Variants in IGSF5 observed in about 807,000 individuals in gnomAD.
IGSF5 encodes the protein immunoglobulin superfamily 5 like.
A neutral mutation model predicts 39.4 loss-of-function variants in IGSF5; 41 were observed. The observed-to-expected ratio is 1.04, with a 90% confidence interval of 0.81 to 1.35. IGSF5 has a LOEUF of 1.35. Among genes scored for constraint, IGSF5 ranks in the 40% most tolerant of loss-of-function variants. IGSF5 has a pLI of 0.00. For synonymous variants in IGSF5, 183 were observed against 175.3 expected (o/e 1.04, Z -0.34); for missense variants, 487 against 494.6 (o/e 0.98, Z 0.15).
intron 2 of IGSF5, among the ~76,000 whole-genome samples, chr21:39,764,000 T>C (rs2080073531): frequency 6.6e-6 from 1 of 152,172 alleles, no homozygotes; most frequent in Non-Finnish European, 1.5e-5. Flanking sequence ...TCTGTTTTTT[T>C]TAATGATGTC....
intron 5 of IGSF5, among the ~76,000 whole-genome samples, chr21:39,786,269 C>A (rs975318062): frequency 6.6e-6 from 1 of 151,948 alleles, no homozygotes. Flanking sequence ...AAGAAAAAAA[C>A]AAACAACCCT....
At chr21:39,751,673 T>C (rs1236576447) in intron 2 of IGSF5, among the ~76,000 whole-genome samples, 2 of 152,220 alleles carry the variant, frequency 1.3e-5, no homozygotes, top group Non-Finnish European at 2.9e-5. Flanking sequence ...AAAAAAACTT[T>C]TACCGACTTC....
At chr21:39,731,480 G>A in the IGSF5 span, among the ~76,000 whole-genome samples, 1 of 152,190 alleles carries the variant, frequency 6.6e-6, no homozygotes, top group African/African-American at 2.4e-5. Flanking sequence ...TAGAGCAAAA[G>A]GGATATGATT....
At chr21:39,718,859 C>A in the IGSF5 span, among the ~76,000 whole-genome samples, 1 of 152,064 alleles carries the variant, frequency 6.6e-6, no homozygotes, top group Non-Finnish European at 1.5e-5. Context: ...TGATGCTGGC[C>A]TCATAGAATG....
intron 5 of IGSF5, 59 bp from the exon 6 acceptor site, chr21:39,788,108 A>C: frequency 3.0e-6 from 4 of 1,340,086 alleles, no homozygotes; most frequent in Non-Finnish European, 4.2e-6. Flanking sequence ...AATTAATGAG[A>C]CTCGATTTTT....
chr21:39,800,715 A>T (rs2087023988), intron 8 of IGSF5, among the ~76,000 whole-genome samples: 1 of 152,220 alleles, frequency 6.6e-6, no homozygotes, highest in African/African-American at 2.4e-5. Context: ...AAAGTGTTGC[A>T]CACATTTTAA....
chr21:39,750,956 G>C (rs2080002762), intron 2 of IGSF5, among the ~76,000 whole-genome samples: 1 of 152,214 alleles, frequency 6.6e-6, no homozygotes, highest in African/African-American at 2.4e-5. Flanking sequence ...GGAAGAGGAG[G>C]GAGAGGGAGT....
chr21:39,754,590 G>A (rs141641758), intron 2 of IGSF5, among the ~76,000 whole-genome samples: 13 of 152,248 alleles, frequency 8.5e-5, no homozygotes, highest in South Asian at 6.2e-4. Flanking sequence ...TTTGCCTCTC[G>A]TCAGGACAGG....
chr21:39,788,267 C>A, intron 6 of IGSF5, 79 bp downstream of exon 6: 1 of 1,015,132 alleles, frequency 9.9e-7, no homozygotes, highest in Non-Finnish European at 1.5e-6. Flanking sequence ...ACAATACGTA[C>A]ACACAACTGC....
rs756441120 is a variant in IGSF5, at chr21:39,765,616, C to T, written c.182C>T (p.Thr61Ile). 5 of 1,614,120 alleles carry T rather than the reference C, an allele frequency of 3.1e-6. No homozygotes were observed. Among genetic ancestry groups the T allele is most frequent in the East Asian group, 2.2e-5 (1 of 44,876 alleles). ...LKGSQARFNC[T>I]VSQGWKLIMW... The stretch of plus-strand genomic sequence containing the variant: ...GGCTCCCAGGCTCGCTTCAACTGCA[C>T]CGTCTCCCAGGGCTGGAAGCTCATC... The change falls in exon 3 of 9, where the codon ACC (threonine) becomes ATC (isoleucine). Residue 61 changes from threonine to isoleucine, a missense_variant. Coordinates refer to ENST00000380588, the MANE Select transcript of IGSF5 (RefSeq NM_001080444.2).
chr21:39,741,708 G>C (rs1193279910), upstream of IGSF5, among the ~76,000 whole-genome samples: 1 of 152,180 alleles, frequency 6.6e-6, no homozygotes, highest in Non-Finnish European at 1.5e-5. Context: ...TGTTGGGTTT[G>C]AAGGATCTTC....
upstream of IGSF5, among the ~76,000 whole-genome samples, chr21:39,741,064 C>T (rs533950894): frequency 3.6e-4 from 55 of 152,236 alleles, 1 homozygote; most frequent in Admixed American, 1.4e-3. Context: ...CTCAGACCAG[C>T]GCAAGGACTC....
the IGSF5 span, among the ~76,000 whole-genome samples, chr21:39,718,272 A>G: frequency 6.6e-6 from 1 of 152,332 alleles, no homozygotes; most frequent in East Asian, 1.9e-4. Flanking sequence ...TTTTCTATGT[A>G]TAAAACCATG....
the IGSF5 span, among the ~76,000 whole-genome samples, chr21:39,724,451 T>A: frequency 1.3e-5 from 2 of 152,168 alleles, no homozygotes; most frequent in Non-Finnish European, 2.9e-5. Flanking sequence ...AATTGAATCA[T>A]GGGGGAGGTC....
chr21:39,765,675 G>C lies in IGSF5; in HGVS notation c.241G>C (p.Val81Leu), dbSNP rs371108598. The change falls in exon 3 of 9, where the codon GTC (valine) becomes CTC (leucine). Residue 81 changes from valine to leucine, a missense_variant. Physicochemically the swap from Val to Leu is conservative, Grantham distance 32. Coordinates refer to ENST00000380588, the MANE Select transcript of IGSF5 (RefSeq NM_001080444.2). ...WALSDMVVLS[V>L]RPMEPIITND... ...TCTCAGTGACATGGTGGTGCTAAGC[G>C]TCAGGCCCATGGAGCCCATCATCAC... 1.2e-6 allele frequency: 2 copies of C among 1,613,982 alleles called. No homozygotes were observed. The highest frequency in any genetic ancestry group is 1.7e-6 in the Non-Finnish European group (2 of 1,180,022).
At chr21:39,760,909 T>C (rs188006636) in intron 2 of IGSF5, among the ~76,000 whole-genome samples, 161 of 152,192 alleles carry the variant, frequency 1.1e-3, no homozygotes, top group Middle Eastern at 3.4e-3. Context: ...GATTATCTGT[T>C]TTTATCCTAA....
At chr21:39,766,256 G>C (rs1220242354) in intron 3 of IGSF5, among the ~76,000 whole-genome samples, 2 of 152,050 alleles carry the variant, frequency 1.3e-5, no homozygotes, top group African/African-American at 4.8e-5. Flanking sequence ...GGTTAAGACT[G>C]ATAGAGACAG....
the IGSF5 span, among the ~76,000 whole-genome samples, chr21:39,720,033 T>G: frequency 6.6e-6 from 1 of 152,230 alleles, no homozygotes; most frequent in African/African-American, 2.4e-5. Context: ...ACAGAAACAT[T>G]GTGAATATAG....
the IGSF5 span, among the ~76,000 whole-genome samples, chr21:39,736,796 A>T: frequency 1.3e-5 from 2 of 152,182 alleles, no homozygotes; most frequent in Middle Eastern, 3.2e-3. Context: ...AATATTCTCC[A>T]GTAGTGGTGC....
Sources: gnomAD v4.1 joint callset for allele counts (sites outside exome capture counted in the v4.1 genomes callset) on GRCh38, gnomAD v4.1.1 for gene constraint, MANE v1.5 for transcripts, NCBI Gene and HGNC (gene_info 2026-07-23, HGNC 2026-07-21) for gene names.